The following GFPT2 variants were observed in gnomAD, a reference collection of about 807,000 sequenced individuals.
GFPT2 encodes glutamine--fructose-6-phosphate aminotransferase [isomerizing] 2.
A neutral mutation model predicts 85.6 loss-of-function variants in GFPT2; 62 were observed. That is an observed-to-expected ratio of 0.72 (90% CI 0.59 to 0.90). GFPT2 has a LOEUF of 0.90. Ranked by LOEUF, GFPT2 falls within the 40% of genes least tolerant of loss-of-function variation. GFPT2 has a pLI of 0.00. For synonymous variants in GFPT2, 368 were observed against 344.5 expected (o/e 1.07, Z -0.75); for missense variants, 788 against 893.4 (o/e 0.88, Z 1.50).
chr5:180,349,874 G>A (rs1350153980), intron 1 of GFPT2, among the ~76,000 whole-genome samples: 2 of 147,684 alleles, frequency 1.4e-5, no homozygotes, highest in African/African-American at 4.9e-5. Context: ...TCTTCACAGT[G>A]ATTGTTTTTT....
intron 7 of GFPT2, among the ~76,000 whole-genome samples, chr5:180,327,946 T>C (rs1372071368): frequency 6.6e-6 from 1 of 152,224 alleles, no homozygotes; most frequent in Non-Finnish European, 1.5e-5. Flanking sequence ...GCCCACATTG[T>C]ACAGGCTTCA....
intron 1 of GFPT2, chr5:180,352,339 G>A (rs1459309377): frequency 5.3e-4 from 183 of 345,620 alleles, no homozygotes; most frequent in East Asian, 2.0e-3. Context: ...CCTACTCAAG[G>A]AAAAAAAAAA....
intron 1 of GFPT2, chr5:180,352,259 G>T (rs1048357352): frequency 5.4e-6 from 2 of 373,246 alleles, no homozygotes; most frequent in Non-Finnish European, 1.0e-5. Context: ...AAGTCAGAGA[G>T]AGGCCTTTCA....
chr5:180,309,763 A>G (rs1266084775), intron 15 of GFPT2, among the ~76,000 whole-genome samples: 1 of 151,796 alleles, frequency 6.6e-6, no homozygotes, highest in Non-Finnish European at 1.5e-5. Context: ...AGGATATTAC[A>G]AAGAGTTGCA....
At position 180,310,793 on chromosome 5, in the gene GFPT2, G is replaced by A. The variant is rs6892511; in HGVS notation, c.1546+1637C>T. Among the ~76,000 whole-genome samples the A allele has an allele frequency of 6.6e-3, 916 of 138,290 alleles. 7 individuals carry two copies. The highest frequency in any genetic ancestry group is 0.024 in the African/African-American group (866 of 36,650). 90.7% of individuals were successfully genotyped at this position (138,290 alleles called of 152,430 possible). A position where few individuals can be genotyped will look rare whatever the true frequency, so the allele number is the denominator to read the frequency against. ...TAGGCCTTCTAGTGTGCTGGGTGCC[G>A]GGCACAGCCACCACTGCCTTTGCAA... is the stretch of plus-strand genomic sequence containing the variant. On this transcript the variant is annotated intron_variant, in intron 15 of 18. Coordinates refer to ENST00000253778, the MANE Select transcript of GFPT2 (RefSeq NM_005110.4).
In GFPT2 at chr5:180,301,359, C is replaced by T. The variant is rs1403404483; in HGVS notation, c.*205G>A. The T allele has an allele frequency of 1.7e-6, 1 of 604,436 alleles. No homozygotes were observed. Among genetic ancestry groups the T allele is most frequent in the Admixed American group, 3.1e-5 (1 of 32,442 alleles). The allele number at this position is 604,436 out of a possible 1,614,324, so 37.4% of individuals were successfully genotyped here. A position where few individuals can be genotyped will look rare whatever the true frequency, so the allele number is the denominator to read the frequency against. On this transcript the variant is annotated 3_prime_UTR_variant, in exon 19 of 19. Coordinates refer to ENST00000253778, the MANE Select transcript of GFPT2 (RefSeq NM_005110.4). ...CCCATGTGTAAACAATGATTCCCTT[C>T]TCCTCTGGCGACTTCAGGACACAGA... is the stretch of plus-strand genomic sequence containing the variant.
At chr5:180,309,303 T>C (rs995865821) in intron 15 of GFPT2, among the ~76,000 whole-genome samples, 5 of 152,238 alleles carry the variant, frequency 3.3e-5, no homozygotes, top group African/African-American at 1.2e-4. Context: ...CTTCTACTGA[T>C]GCGTCAGCTG....
chr5:180,336,626 C>T (rs1764406928), intron 2 of GFPT2, 49 bp from the exon 3 acceptor site: 1 of 1,213,776 alleles, frequency 8.2e-7, no homozygotes, highest in African/African-American at 1.5e-5. Flanking sequence ...CTTTTTCTCA[C>T]ACACTTGGCA....
intron 16 of GFPT2, among the ~76,000 whole-genome samples, chr5:180,305,221 G>A (rs544115317): frequency 5.7e-4 from 86 of 152,186 alleles, no homozygotes; most frequent in African/African-American, 1.9e-3. Context: ...CCAGTCCCAC[G>A]CACAGCCACC....
intron 1 of GFPT2, among the ~76,000 whole-genome samples, chr5:180,347,559 G>A (rs1379576877): frequency 3.3e-5 from 5 of 152,030 alleles, no homozygotes; most frequent in Non-Finnish European, 7.4e-5. Flanking sequence ...TCTTGGCCCC[G>A]GCTCACTGCT....
intron 3 of GFPT2, 24 bp from the exon 4 acceptor site, chr5:180,335,977 G>A: frequency 6.4e-7 from 1 of 1,553,008 alleles, no homozygotes; most frequent in Non-Finnish European, 8.7e-7. Flanking sequence ...AAATCAGTTT[G>A]CCGCACTTGA....
Position 180,312,502 on chromosome 5 carries a change from T to C in GFPT2, c.1474A>G (p.Met492Val), listed in dbSNP as rs1193178229. 4.3e-6 allele frequency: 7 copies of C among 1,610,802 alleles called. No individual in the cohort carries two copies. In the African/African-American group the frequency reaches 9.4e-5, roughly 22 times the overall value. Residue 492 changes from methionine to valine, a missense_variant, in exon 15 of 19, where the codon ATG (methionine) becomes GTG (valine). Coordinates refer to ENST00000253778, the MANE Select transcript of GFPT2 (RefSeq NM_005110.4). ...AGTGAAATTCGGTCTTCAGACATCA[T>C]CAAACCAAACATCACCAGAGAGATG... is the stretch of plus-strand genomic sequence containing the variant. ...QFISLVMFGL[M>V]MSEDRISLQN...
At chr5:180,341,071 C>T (rs982336999) in intron 1 of GFPT2, among the ~76,000 whole-genome samples, 1 of 152,176 alleles carries the variant, frequency 6.6e-6, no homozygotes, top group African/African-American at 2.4e-5. Flanking sequence ...AGTCCATGGC[C>T]CTCCTCTTAA....
chr5:180,328,855 C>T lies in GFPT2; in HGVS notation c.535-517G>A, dbSNP rs1182817609. 1.3e-5 allele frequency among the ~76,000 whole-genome samples: 2 copies of T among 152,208 alleles called. No individual in the cohort carries two copies. The highest frequency in any genetic ancestry group is 2.4e-5 in the African/African-American group (1 of 41,460). The stretch of plus-strand genomic sequence containing the variant: ...GAACAGCGCCACCTGGCGGGGCTTC[C>T]GTGACGATGATAAGCTAATGCACTG... On this transcript the variant is annotated intron_variant, in intron 6 of 18. Coordinates refer to ENST00000253778, the MANE Select transcript of GFPT2 (RefSeq NM_005110.4). This position sits in a 1 kb window ranked among gnomAD's most constrained non-coding sequence, Gnocchi z 5.4.
At chr5:180,341,687 G>A (rs556156636) in intron 1 of GFPT2, among the ~76,000 whole-genome samples, 2 of 152,026 alleles carry the variant, frequency 1.3e-5, no homozygotes, top group East Asian at 1.9e-4. Flanking sequence ...CAATTTTCTC[G>A]GTAGGCTATT....
At position 180,335,807 on chromosome 5, in the gene GFPT2, AC is replaced by A. The variant is rs1045476330; in HGVS notation, c.340+20del. ...CTCAGGGTGAGGTGGAACCATGGGG[AC>A]GGGGAAGCATGCCACATACCGTTGC... On this transcript the variant is annotated intron_variant, in intron 4 of 18. Transcript: ENST00000253778. The A allele has an allele frequency of 1.2e-6, 2 of 1,600,408 alleles. No individual in the cohort carries two copies. The highest frequency in any genetic ancestry group is 2.7e-5 in the African/African-American group (2 of 73,718).
In GFPT2 at chr5:180,313,939, C is replaced by T; in HGVS notation, c.1299G>A (p.Ala433=). 3.7e-6 allele frequency: 6 copies of T among 1,602,624 alleles called. No homozygotes were observed. The highest frequency in any genetic ancestry group is 4.2e-6 in the Non-Finnish European group (5 of 1,178,984). Residue 433 remains alanine (A), a synonymous_variant, in exon 14 of 19, where the codon GCG becomes GCA. Coordinates refer to ENST00000253778, the MANE Select transcript of GFPT2 (RefSeq NM_005110.4). ...CGCCGCGGTCCTTACAGTAGCGCAG[C>T]GCCAGGAGGGTGTCCGCGGTCTCGC... The part of the protein sequence containing the change: ...QSGETADTLL[A]LRYCKDRGAL...
At chr5:180,322,838 A>C (rs567511710) in intron 9 of GFPT2, among the ~76,000 whole-genome samples, 104 of 152,070 alleles carry the variant, frequency 6.8e-4, no homozygotes, top group East Asian at 4.3e-3. Context: ...AGATGGAGAC[A>C]ATCCTGGCTA....
intron 1 of GFPT2, chr5:180,352,739 G>A: frequency 2.5e-6 from 1 of 398,972 alleles, no homozygotes; most frequent in South Asian, 1.7e-5. Context: ...GGGACGGCGG[G>A]GCGGGGTCGC....
Sources: gnomAD v4.1 joint callset for allele counts (sites outside exome capture counted in the v4.1 genomes callset) on GRCh38, gnomAD v4.1.1 for gene constraint, Gnocchi (gnomAD v3.1) non-coding constraint, MANE v1.5 for transcripts, NCBI Gene and HGNC (gene_info 2026-07-23, HGNC 2026-07-21) for gene names.